The following ZDHHC14 variants were observed in gnomAD, a reference collection of about 807,000 sequenced individuals.
ZDHHC14 encodes the protein palmitoyltransferase ZDHHC14.
A neutral mutation model predicts 47.7 loss-of-function variants in ZDHHC14; 16 were observed. The ratio of observed to expected loss-of-function variants is 0.34; its 90% confidence interval spans 0.23 to 0.51. ZDHHC14 has a LOEUF of 0.51. Among genes scored for constraint, ZDHHC14 ranks in the 20% least tolerant of loss-of-function variants. The pLI is 0.97. For synonymous variants in ZDHHC14, 293 were observed against 278.9 expected, an observed-to-expected ratio of 1.05 and a Z score of -0.50; for missense variants, 515 against 662.5, an observed-to-expected ratio of 0.78 and a Z score of 2.44.
chr6:157,403,796 C>A (rs1371589442), intron 1 of ZDHHC14, among the ~76,000 whole-genome samples: 3 of 152,222 alleles, frequency 2.0e-5, no homozygotes, highest in Non-Finnish European at 4.4e-5. Flanking sequence ...ACGCTGCCAC[C>A]CACCGGTGTC....
intron 3 of ZDHHC14, among the ~76,000 whole-genome samples, chr6:157,621,432 A>G (rs1785181739): frequency 6.6e-6 from 1 of 152,226 alleles, no homozygotes; most frequent in Admixed American, 6.5e-5. Context: ...CATTTAAATT[A>G]GAAATTTAAA....
At chr6:157,621,138 T>C (rs1289531604) in intron 3 of ZDHHC14, among the ~76,000 whole-genome samples, 1 of 152,216 alleles carries the variant, frequency 6.6e-6, no homozygotes, top group Admixed American at 6.5e-5. Flanking sequence ...TAGAGCCGCA[T>C]GAATCATTTA....
chr6:157,467,729 T>C (rs1209288077), intron 1 of ZDHHC14, among the ~76,000 whole-genome samples: 1 of 152,016 alleles, frequency 6.6e-6, no homozygotes, highest in Non-Finnish European at 1.5e-5. Flanking sequence ...TTTGTGTTTT[T>C]AGTAGAGATG....
At chr6:157,641,693 C>T (rs959946413) in intron 5 of ZDHHC14, among the ~76,000 whole-genome samples, 2 of 152,150 alleles carry the variant, frequency 1.3e-5, no homozygotes, top group African/African-American at 4.8e-5. Flanking sequence ...TTAATGAACA[C>T]AATCTGTCAA....
chr6:157,424,025 G>A (rs920432543), intron 1 of ZDHHC14, among the ~76,000 whole-genome samples: 3 of 152,148 alleles, frequency 2.0e-5, no homozygotes, highest in African/African-American at 7.2e-5. Flanking sequence ...CCAAAGCTTC[G>A]GCTTATTTCA....
rs536253270 is a variant in ZDHHC14 at position 157,657,500 on chromosome 6, A to G, written c.1068+3873A>G. Among the ~76,000 whole-genome samples, 10 of 152,266 alleles carry G rather than the reference A, an allele frequency of 6.6e-5. No individual in the cohort carries two copies. The South Asian group carries it at 2.1e-3, about 32-fold the overall frequency. ...CACTCCAGCGTCACAGCCCCAGCGAATCCATGCCCAGTGAGTCTAGGCTCA... is the reference window on the plus strand; with the variant it reads ...CACTCCAGCGTCACAGCCCCAGCGAGTCCATGCCCAGTGAGTCTAGGCTCA... On this transcript the variant is annotated intron_variant, in intron 8 of 8. Transcript: ENST00000359775.
chr6:157,621,852 C>T (rs1470343902), intron 3 of ZDHHC14, among the ~76,000 whole-genome samples: 1 of 152,128 alleles, frequency 6.6e-6, no homozygotes, highest in Non-Finnish European at 1.5e-5. Context: ...ATTTTTAAGG[C>T]CCCTTTTTCA....
chr6:157,572,878 T>G (rs1451564865), intron 2 of ZDHHC14, among the ~76,000 whole-genome samples: 2 of 147,020 alleles, frequency 1.4e-5, no homozygotes. Context: ...GGTTTTCTAC[T>G]AATACTTCCA....
At chr6:157,407,058 A>G (rs1445827313) in intron 1 of ZDHHC14, among the ~76,000 whole-genome samples, 1 of 152,228 alleles carries the variant, frequency 6.6e-6, no homozygotes, top group Non-Finnish European at 1.5e-5. Context: ...AATGTAATGG[A>G]CACACATTAT....
At chr6:157,423,731 T>TGC (rs1491464314) in intron 1 of ZDHHC14, among the ~76,000 whole-genome samples, 18 of 152,212 alleles carry the variant, frequency 1.2e-4, no homozygotes, top group Admixed American at 7.9e-4. Flanking sequence ...ACCTACAGGC[T>TGC]AATCCTTGAG....
Position 157,673,336 on chromosome 6 carries a change from G to A in ZDHHC14, c.*214G>A, listed in dbSNP as rs1778895038. The A allele has an allele frequency of 6.6e-6, 4 of 602,084 alleles. No homozygotes were observed. Among genetic ancestry groups the A allele is most frequent in the Admixed American group, 3.9e-5 (1 of 25,594 alleles). The allele number at this position is 602,084 out of a possible 1,614,324, so 37.3% of individuals were successfully genotyped here. On this transcript the variant is annotated 3_prime_UTR_variant, in exon 9 of 9. Coordinates refer to ENST00000359775, the MANE Select transcript of ZDHHC14 (RefSeq NM_024630.3). This position sits in a 1 kb window ranked among gnomAD's most constrained non-coding sequence, Gnocchi z 5.4. ...ATTTGAATTTTCTTCCCCAACCTGA[G>A]TGCTTTGACAACAATGGAAATAGAG...
intron 1 of ZDHHC14, among the ~76,000 whole-genome samples, chr6:157,472,299 C>A (rs937694039): frequency 1.3e-5 from 2 of 152,120 alleles, no homozygotes; most frequent in South Asian, 2.1e-4. Context: ...TGAAACCAAC[C>A]CCCTTCTACC....
Position 157,542,691 on chromosome 6 carries a change from G to A in ZDHHC14, c.352G>A (p.Gly118Arg), listed in dbSNP as rs1781813571. 1.2e-6 allele frequency: 2 copies of A among 1,613,878 alleles called. No individual in the cohort carries two copies. The highest frequency in any genetic ancestry group is 1.7e-6 in the Non-Finnish European group (2 of 1,179,996). Residue 118 changes from glycine (G) to arginine (R), a missense_variant, in exon 2 of 9, where the codon GGA (glycine) becomes AGA (arginine). Gly to Arg is a moderately radical substitution (Grantham distance 125). Around this residue, in one of 4 missense-constraint regions of ZDHHC14, gnomAD observed 229 missense variants for 351.5 expected, o/e 0.65. Transcript: ENST00000359775. ...TLLRTSFSDP[G>R]VLPRATPDEA... The stretch of plus-strand genomic sequence containing the variant: ...GCTCCGCACCAGCTTCAGCGACCCC[G>A]GAGTCCTCCCACGAGCCACGCCTGA...
chr6:157,652,472 T>G (rs1777884516), intron 7 of ZDHHC14, among the ~76,000 whole-genome samples: 1 of 152,138 alleles, frequency 6.6e-6, no homozygotes, highest in South Asian at 2.1e-4. Flanking sequence ...GGATACTCAC[T>G]TATTAGCTGA....
At chr6:157,612,942 A>G (rs1460484440) in intron 3 of ZDHHC14, among the ~76,000 whole-genome samples, 1 of 152,146 alleles carries the variant, frequency 6.6e-6, no homozygotes, top group Non-Finnish European at 1.5e-5. Context: ...TCTAAACTAA[A>G]TGAAACCCAT....
chr6:157,674,858 C>T lies in ZDHHC14; in HGVS notation c.*1736C>T, dbSNP rs1222939368. 2.6e-5 allele frequency: 4 copies of T among 152,332 alleles called. No homozygotes were observed. The highest frequency in any genetic ancestry group is 4.1e-4 in the South Asian group (2 of 4,826). The allele number at this position is 152,332 out of a possible 1,614,324, so 9.4% of individuals were successfully genotyped here. On this transcript the variant is annotated 3_prime_UTR_variant, in exon 9 of 9. Coordinates refer to ENST00000359775, the MANE Select transcript of ZDHHC14 (RefSeq NM_024630.3). ...CATCTTTATTGTCATGCTGCATGCA[C>T]GTATAGAAAATGGAATAGGTCCATT... is the stretch of plus-strand genomic sequence containing the variant.
At chr6:157,412,994 A>G (rs533894362) in intron 1 of ZDHHC14, among the ~76,000 whole-genome samples, 2 of 152,354 alleles carry the variant, frequency 1.3e-5, no homozygotes, top group African/African-American at 4.8e-5. Context: ...CATCAGCGCC[A>G]AAGTGAAAGG....
At chr6:157,670,586 T>A (rs943804051) in intron 8 of ZDHHC14, among the ~76,000 whole-genome samples, 5 of 152,180 alleles carry the variant, frequency 3.3e-5, no homozygotes, top group African/African-American at 1.2e-4. Flanking sequence ...TGAGCCACTG[T>A]GCCCGGCCGC....
intron 1 of ZDHHC14, among the ~76,000 whole-genome samples, chr6:157,455,098 G>C (rs970825424): frequency 6.6e-6 from 1 of 152,190 alleles, no homozygotes; most frequent in Non-Finnish European, 1.5e-5. Flanking sequence ...GCGCAGCCAG[G>C]CCACTTTGAA....
Sources: allele counts gnomAD v4.1 joint callset (sites outside exome capture counted in the v4.1 genomes callset), GRCh38; gene constraint gnomAD v4.1.1; regional missense constraint gnomAD v4.1.1; non-coding constraint Gnocchi (gnomAD v3.1); transcripts MANE v1.5; gene names NCBI Gene and HGNC (gene_info 2026-07-23, HGNC 2026-07-21).